SWT1: variants seen among roughly 807,000 people sequenced by gnomAD.
The protein encoded by SWT1 is SWT1 RNA endoribonuclease homolog, also known as transcriptional protein SWT1.
A neutral mutation model predicts 107.3 loss-of-function variants in SWT1; 33 were observed. That is an observed-to-expected ratio of 0.31 (90% CI 0.23 to 0.41). SWT1 has a LOEUF of 0.41. Ranked by LOEUF, SWT1 falls within the 10% of genes least tolerant of loss-of-function variation. SWT1 has a pLI of 1.00. For synonymous variants in SWT1, 345 were observed against 348.3 expected (o/e 0.99, Z 0.11); for missense variants, 898 against 1,028.9 (o/e 0.87, Z 1.74).
At chr1:185,229,164 G>A (rs961305345) in intron 15 of SWT1, among the ~76,000 whole-genome samples, 6 of 152,190 alleles carry the variant, frequency 3.9e-5, no homozygotes, top group Non-Finnish European at 8.8e-5. Flanking sequence ...GGAAGAGGGC[G>A]AGATACCGGT....
intron 16 of SWT1, among the ~76,000 whole-genome samples, chr1:185,239,861 A>G (rs1331568629): frequency 1.3e-5 from 2 of 152,096 alleles, no homozygotes; most frequent in Non-Finnish European, 2.9e-5. Flanking sequence ...ATAAAGTTTC[A>G]TTTGGAACAA....
chr1:185,257,372 C>A (rs910357066), intron 16 of SWT1, among the ~76,000 whole-genome samples: 3 of 152,250 alleles, frequency 2.0e-5, no homozygotes, highest in Admixed American at 1.3e-4. Context: ...GGGCGCCCCT[C>A]CCCCAGCCTC....
At chr1:185,229,786 A>AT (rs926734454) in intron 15 of SWT1, among the ~76,000 whole-genome samples, 30 of 152,004 alleles carry the variant, frequency 2.0e-4, no homozygotes, top group African/African-American at 7.0e-4. Context: ...AATTAAGAAA[A>AT]TTTTTTTTAA....
Position 185,220,375 on chromosome 1 carries a change from A to G in SWT1, c.2122-1474A>G, listed in dbSNP as rs79523678. On this transcript the variant is annotated intron_variant, in intron 14 of 18. Transcript: ENST00000367500. The stretch of plus-strand genomic sequence containing the variant: ...TGTCATTTGCTTTCTGATTATCAAA[A>G]TTACCCTTTTCTCTTTCTTATTCTT... 5.8e-3 allele frequency among the ~76,000 whole-genome samples: 886 copies of G among 151,862 alleles called. 33 individuals are homozygous for G. In the East Asian group the frequency reaches 0.094, roughly 16 times the overall value.
At chr1:185,280,074 C>T (rs1047581578) in intron 18 of SWT1, among the ~76,000 whole-genome samples, 2 of 152,098 alleles carry the variant, frequency 1.3e-5, no homozygotes, top group African/African-American at 4.8e-5. Context: ...CCTATAATCC[C>T]TACGTTTGGA....
At chr1:185,168,850 T>A (rs984827505) in intron 4 of SWT1, among the ~76,000 whole-genome samples, 5 of 152,188 alleles carry the variant, frequency 3.3e-5, no homozygotes, top group African/African-American at 1.2e-4. Flanking sequence ...TGGGGAATGA[T>A]GGTTGGAATA....
intron 8 of SWT1, 109 bp from the exon 9 acceptor site, chr1:185,184,634 C>CCTAAAG: frequency 1.5e-6 from 1 of 653,922 alleles, no homozygotes; most frequent in Non-Finnish European, 2.5e-6. Flanking sequence ...TTGTGAATTT[C>CCTAAAG]CTAAAGGTAG....
At chr1:185,177,658 A>G (rs1655680158) in intron 5 of SWT1, among the ~76,000 whole-genome samples, 1 of 152,196 alleles carries the variant, frequency 6.6e-6, no homozygotes, top group South Asian at 2.1e-4. Context: ...ATTTTCCTAA[A>G]ATAATGAGTA....
At chr1:185,221,822 C>CA (rs762457902) in intron 14 of SWT1, 27 bp from the exon 15 acceptor site, 2 of 1,473,558 alleles carry the variant, frequency 1.4e-6, no homozygotes, top group Admixed American at 4.6e-5. Flanking sequence ...GAACTAGCTG[C>CA]ATTTTATGTA....
At chr1:185,210,932 A>G (rs777920645) in intron 13 of SWT1, among the ~76,000 whole-genome samples, 5 of 152,212 alleles carry the variant, frequency 3.3e-5, no homozygotes, top group Non-Finnish European at 4.4e-5. Context: ...TCATGCGTGA[A>G]CTGCCATTCA....
chr1:185,231,860 A>G (rs764471358), intron 16 of SWT1, 152 bp downstream of exon 16: 51 of 585,498 alleles, frequency 8.7e-5, no homozygotes, highest in Non-Finnish European at 1.4e-4. Flanking sequence ...GTGGCACTAA[A>G]GGAGGATACT....
At chr1:185,239,913 A>G (rs1157140346) in intron 16 of SWT1, among the ~76,000 whole-genome samples, 1 of 152,098 alleles carries the variant, frequency 6.6e-6, no homozygotes, top group East Asian at 1.9e-4. Context: ...AAAAATAGGG[A>G]AAGTTCTACT....
At chr1:185,187,732 T>C (rs2102399062) in intron 9 of SWT1, among the ~76,000 whole-genome samples, 1 of 152,328 alleles carries the variant, frequency 6.6e-6, no homozygotes, top group South Asian at 2.1e-4. Flanking sequence ...TTGCCCAGGC[T>C]GGAGTGCAAT....
chr1:185,266,911 A>G (rs1663444376), intron 16 of SWT1, among the ~76,000 whole-genome samples: 1 of 152,202 alleles, frequency 6.6e-6, no homozygotes, highest in African/African-American at 2.4e-5. Flanking sequence ...ATAATTTGCC[A>G]GAAGCATTTG....
chr1:185,175,046 G>T lies in SWT1; in HGVS notation c.899G>T (p.Trp300Leu). The change falls in exon 5 of 19, where the codon TGG becomes TTG. Residue 300 changes from tryptophan to leucine, a missense_variant. Physicochemically the swap from Trp to Leu is moderately conservative, Grantham distance 61. Transcript: ENST00000367500. ...DFTYKRTVHE[W>L]KRKHHYDHQE... ...ACATATAAGCGGACTGTTCATGAGTGGAAACGAAAACATCATTATGACCAT... is the reference window on the plus strand; with the variant it reads ...ACATATAAGCGGACTGTTCATGAGTTGAAACGAAAACATCATTATGACCAT... 6.3e-7 allele frequency: 1 copy of T among 1,594,250 alleles called. No individual in the cohort carries two copies. Among genetic ancestry groups the T allele is most frequent in the South Asian group, 1.2e-5 (1 of 86,600 alleles).
intron 16 of SWT1, among the ~76,000 whole-genome samples, chr1:185,268,623 T>A (rs1013438648): frequency 6.6e-6 from 1 of 152,168 alleles, no homozygotes; most frequent in African/African-American, 2.4e-5. Context: ...TTTTACATTT[T>A]TATTTACTCA....
intron 13 of SWT1, 91 bp from the exon 14 acceptor site, chr1:185,214,416 A>T: frequency 2.0e-6 from 2 of 1,019,952 alleles, no homozygotes; most frequent in South Asian, 1.7e-5. Flanking sequence ...TACTCTTTTT[A>T]AATTTCAAAA....
chr1:185,168,008 A>G lies in SWT1; in HGVS notation c.166-332A>G, dbSNP rs572930699. 2.6e-5 allele frequency among the ~76,000 whole-genome samples: 4 copies of G among 152,286 alleles called. No individual in the cohort carries two copies. In the South Asian group the frequency reaches 6.2e-4, roughly 24 times the overall value. ...CTATAAGCTCTAAGCTCTTTAGGACATGGATTATATTTTATGTCTCTCTTA... is the reference window on the plus strand; with the variant it reads ...CTATAAGCTCTAAGCTCTTTAGGACGTGGATTATATTTTATGTCTCTCTTA... On this transcript the variant is annotated intron_variant, in intron 3 of 18. Coordinates refer to ENST00000367500, the MANE Select transcript of SWT1 (RefSeq NM_017673.7).
At chr1:185,177,043 G>A in intron 5 of SWT1, 1 of 982,166 alleles carries the variant, frequency 1.0e-6, no homozygotes, top group Non-Finnish European at 1.2e-6. Context: ...ACGAAAAATG[G>A]AGGAATTATA....
Sources: allele counts gnomAD v4.1 joint callset (sites outside exome capture counted in the v4.1 genomes callset), GRCh38; gene constraint gnomAD v4.1.1; transcripts MANE v1.5; gene names NCBI Gene and HGNC (gene_info 2026-07-23, HGNC 2026-07-21).